Variants in EDIL3 observed in about 807,000 individuals in gnomAD.
The protein encoded by EDIL3 is EGF-like repeat and discoidin I-like domain-containing protein 3.
In EDIL3, 37 loss-of-function variants were observed where a neutral mutation model predicts 67.4. The observed-to-expected ratio is 0.55, with a 90% CI of 0.42 to 0.72. The LOEUF (loss-of-function observed/expected upper bound fraction) is 0.72. Among genes scored for constraint, EDIL3 ranks in the 30% least tolerant of loss-of-function variants. EDIL3 has a pLI of 0.00. For missense variants in EDIL3, 527 were observed against 586.3 expected (o/e 0.90, Z 1.04); for synonymous variants, 195 against 196.3 (o/e 0.99, Z 0.05).
At chr5:84,170,986 A>C (rs1019472415) in intron 4 of EDIL3, among the ~76,000 whole-genome samples, 21 of 151,814 alleles carry the variant, frequency 1.4e-4, no homozygotes, top group African/African-American at 4.8e-4. Flanking sequence ...GGAGAGATGG[A>C]GTTTCACCAT....
chr5:84,161,675 A>T (rs1263328003), intron 4 of EDIL3, among the ~76,000 whole-genome samples: 1 of 152,028 alleles, frequency 6.6e-6, no homozygotes, highest in Non-Finnish European at 1.5e-5. Context: ...GTTTTGTAGC[A>T]TCTAAAAATT....
intron 3 of EDIL3, among the ~76,000 whole-genome samples, chr5:84,188,973 C>G (rs778716792): frequency 3.3e-5 from 5 of 151,984 alleles, no homozygotes; most frequent in African/African-American, 4.8e-5. Context: ...TCCTGGTATA[C>G]CTGAATTGGG....
intron 9 of EDIL3, among the ~76,000 whole-genome samples, chr5:84,007,357 A>T (rs1037827314): frequency 2.6e-5 from 4 of 152,120 alleles, no homozygotes; most frequent in Admixed American, 2.6e-4. Flanking sequence ...TGGGGAAAAA[A>T]ATAGCAAACT....
intron 2 of EDIL3, among the ~76,000 whole-genome samples, chr5:84,237,283 G>T (rs1744700434): frequency 1.3e-5 from 2 of 152,052 alleles, no homozygotes; most frequent in South Asian, 4.1e-4. Flanking sequence ...GTAATGAATT[G>T]ATCAGCAATA....
intron 1 of EDIL3, among the ~76,000 whole-genome samples, chr5:84,304,298 C>T (rs1444565418): frequency 2.0e-5 from 3 of 152,150 alleles, no homozygotes; most frequent in Admixed American, 6.5e-5. Context: ...TGTGAATAGA[C>T]TGACAGGAAT....
intron 6 of EDIL3, among the ~76,000 whole-genome samples, chr5:84,069,189 G>T (rs1041379493): frequency 5.9e-5 from 9 of 152,142 alleles, no homozygotes; most frequent in African/African-American, 2.2e-4. Flanking sequence ...AGAAATTGTT[G>T]TTCCACTGGG....
chr5:84,258,549 G>A (rs1745164008), intron 1 of EDIL3, among the ~76,000 whole-genome samples: 1 of 152,148 alleles, frequency 6.6e-6, no homozygotes, highest in African/African-American at 2.4e-5. Flanking sequence ...TTCTGCAGGA[G>A]GCTGTCAGCT....
At chr5:84,100,879 T>C (rs1747351488) in intron 6 of EDIL3, among the ~76,000 whole-genome samples, 1 of 152,130 alleles carries the variant, frequency 6.6e-6, no homozygotes, top group Non-Finnish European at 1.5e-5. Context: ...TGCTATTCCA[T>C]TTAAATTGTT....
At chr5:84,006,781 C>A (rs893153716) in intron 9 of EDIL3, among the ~76,000 whole-genome samples, 1 of 152,044 alleles carries the variant, frequency 6.6e-6, no homozygotes. Context: ...AAGTGAAGCA[C>A]ACATGGGAAA....
chr5:84,067,166 C>T (rs992511683), intron 6 of EDIL3, among the ~76,000 whole-genome samples: 11 of 152,204 alleles, frequency 7.2e-5, no homozygotes, highest in African/African-American at 2.2e-4. Context: ...GTCTGTGGAG[C>T]ATTTTTTAAA....
At chr5:84,063,497 T>C (rs1477010553) in intron 8 of EDIL3, among the ~76,000 whole-genome samples, 1 of 152,118 alleles carries the variant, frequency 6.6e-6, no homozygotes, top group Non-Finnish European at 1.5e-5. Context: ...AATATGAAAA[T>C]GTGATTCTTA....
At chr5:84,354,869 A>G (rs1376812754) in intron 1 of EDIL3, among the ~76,000 whole-genome samples, 3 of 152,082 alleles carry the variant, frequency 2.0e-5, no homozygotes, top group African/African-American at 7.2e-5. Context: ...TCTGTAGTTT[A>G]TGTTTGCTTC....
At chr5:83,986,223 C>T (rs1345251551) in intron 9 of EDIL3, among the ~76,000 whole-genome samples, 1 of 151,956 alleles carries the variant, frequency 6.6e-6, no homozygotes, top group African/African-American at 2.4e-5. Flanking sequence ...CAAGCAATCC[C>T]CAATACTTGC....
chr5:84,110,147 C>T (rs1296388428), intron 5 of EDIL3, among the ~76,000 whole-genome samples: 2 of 152,036 alleles, frequency 1.3e-5, no homozygotes, highest in Non-Finnish European at 2.9e-5. Context: ...ATGCACTGAA[C>T]GTTGTTATTG....
intron 4 of EDIL3, among the ~76,000 whole-genome samples, chr5:84,167,581 T>A (rs1748731734): frequency 6.6e-6 from 1 of 152,198 alleles, no homozygotes; most frequent in Non-Finnish European, 1.5e-5. Flanking sequence ...GATGAAAGAA[T>A]AAGTATTCTG....
At chr5:84,073,931 T>C (rs543061456) in intron 6 of EDIL3, among the ~76,000 whole-genome samples, 23 of 151,820 alleles carry the variant, frequency 1.5e-4, no homozygotes, top group African/African-American at 3.9e-4. Context: ...GGCATCACGC[T>C]ACCTGACTTC....
chr5:84,239,204 C>T (rs1036934516), intron 2 of EDIL3, among the ~76,000 whole-genome samples: 2 of 152,114 alleles, frequency 1.3e-5, no homozygotes, highest in African/African-American at 4.8e-5. Context: ...CTTAATTTTA[C>T]ATATTATGGT....
intron 1 of EDIL3, among the ~76,000 whole-genome samples, chr5:84,268,889 A>G (rs1407645659): frequency 2.0e-5 from 3 of 152,118 alleles, no homozygotes; most frequent in Admixed American, 6.6e-5. Context: ...ATCATCCCAT[A>G]TCCCATCACT....
chr5:84,151,689 T>C (rs940143625), intron 4 of EDIL3, among the ~76,000 whole-genome samples: 1 of 152,178 alleles, frequency 6.6e-6, no homozygotes, highest in Non-Finnish European at 1.5e-5. Flanking sequence ...GAATTTGTTT[T>C]TGTTATCATT....
Sources: gnomAD v4.1 joint callset for allele counts (sites outside exome capture counted in the v4.1 genomes callset) on GRCh38, gnomAD v4.1.1 for gene constraint, MANE v1.5 for transcripts, NCBI Gene and HGNC (gene_info 2026-07-23, HGNC 2026-07-21) for gene names.